The following SLC22A2 variants were observed in gnomAD, a reference collection of about 807,000 sequenced individuals.
SLC22A2 encodes solute carrier family 22 member 2, also known as organic cation transporter 2.
A neutral mutation model predicts 60.5 loss-of-function variants in SLC22A2; 46 were observed. The observed-to-expected ratio is 0.76, with a 90% confidence interval of 0.60 to 0.97. The LOEUF is 0.97. Among genes scored for constraint, SLC22A2 ranks in the 50% least tolerant of loss-of-function variants. The pLI is 0.00. For synonymous variants in SLC22A2, 303 were observed against 267.0 expected (o/e 1.13, Z -1.31); for missense variants, 701 against 706.6 (o/e 0.99, Z 0.09).
chr6:160,239,477 G>A (rs1782964479), intron 9 of SLC22A2, among the ~76,000 whole-genome samples: 1 of 152,172 alleles, frequency 6.6e-6, no homozygotes, highest in Non-Finnish European at 1.5e-5. Context: ...CAAGATCCAA[G>A]AACCCCCTCT....
chr6:160,223,633 A>G (rs935548084), intron 10 of SLC22A2, among the ~76,000 whole-genome samples: 1 of 152,236 alleles, frequency 6.6e-6, no homozygotes, highest in Admixed American at 6.5e-5. Context: ...TGCCTTAATG[A>G]CTAGTCCTGT....
intron 9 of SLC22A2, among the ~76,000 whole-genome samples, chr6:160,231,325 G>A (rs767272382): frequency 8.6e-5 from 13 of 151,552 alleles, no homozygotes; most frequent in Middle Eastern, 3.4e-3. Flanking sequence ...TCTCATTGCC[G>A]TCCTTCTTCC....
In SLC22A2 at chr6:160,258,542, G is replaced by C; in HGVS notation, c.216C>G (p.Asn72Lys). 6.2e-7 allele frequency: 1 copy of C among 1,614,020 alleles called. No homozygotes were observed. Among genetic ancestry groups the C allele is most frequent in the Non-Finnish European group, 8.5e-7 (1 of 1,179,958 alleles). ...RCGWSPAEELNYTVPGPGPAG... is the reference protein window; with the variant it reads ...RCGWSPAEELKYTVPGPGPAG... ...CAGGTCCTGGGCCCGGCACCGTGTA[G>C]TTCAGTTCCTCTGCAGGACTCCAGC... Residue 72 changes from asparagine (N) to lysine (K), a missense_variant, in exon 1 of 11, where the codon AAC becomes AAG. Asn to Lys is a moderately conservative substitution (Grantham distance 94). Transcript: ENST00000366953.
intron 9 of SLC22A2, 40 bp downstream of exon 9, chr6:160,241,434 A>G (rs1782999060): frequency 7.5e-7 from 1 of 1,340,616 alleles, no homozygotes; most frequent in African/African-American, 1.4e-5. Flanking sequence ...TCTCTAGAAA[A>G]ATAAGTTTTC....
intron 9 of SLC22A2, among the ~76,000 whole-genome samples, chr6:160,232,975 C>T (rs964450702): frequency 2.0e-5 from 3 of 151,268 alleles, no homozygotes; most frequent in Non-Finnish European, 2.9e-5. Flanking sequence ...AGGTTACAAG[C>T]CACTAGCCCA....
Position 160,258,385 on chromosome 6 carries a change from C to A in SLC22A2, c.373G>T (p.Gly125Cys). 1 of 1,613,632 alleles carries A rather than the reference C, an allele frequency of 6.2e-7. No individual in the cohort carries two copies. The highest frequency in any genetic ancestry group is 8.5e-7 in the Non-Finnish European group (1 of 1,179,844). ...SRLPLGPCRD[G>C]WVYETPGSSI... is the part of the protein sequence containing the mutation. ...GAGCCAGGCGTCTCGTACACCCAGC[C>A]GTCCCGGCAGGGGCCCAGTGGCAGG... Residue 125 changes from glycine to cysteine, a missense_variant, in exon 1 of 11, where the codon GGC (glycine) becomes TGC (cysteine). Coordinates refer to ENST00000366953, the MANE Select transcript of SLC22A2 (RefSeq NM_003058.4).
At chr6:160,223,777 G>C (rs543480448) in intron 10 of SLC22A2, among the ~76,000 whole-genome samples, 5 of 151,936 alleles carry the variant, frequency 3.3e-5, no homozygotes, top group African/African-American at 1.2e-4. Context: ...GCCCAGGCTG[G>C]AGTGCAGTGG....
chr6:160,248,284 G>A (rs1051573184), intron 4 of SLC22A2, among the ~76,000 whole-genome samples: 3 of 152,232 alleles, frequency 2.0e-5, no homozygotes, highest in Non-Finnish European at 4.4e-5. Context: ...CAAGTGGGAT[G>A]TCTGCAAGTC....
intron 6 of SLC22A2, 46 bp downstream of exon 6, chr6:160,245,393 G>T: frequency 9.1e-7 from 1 of 1,104,502 alleles, no homozygotes. Context: ...GGATGACTGT[G>T]ATTAAAACAA....
chr6:160,249,308 C>T lies in SLC22A2; in HGVS notation c.750G>A (p.Leu250=). 6 of 1,613,504 alleles carry T rather than the reference C, an allele frequency of 3.7e-6. No homozygotes were observed. The highest frequency in any genetic ancestry group is 5.1e-6 in the Non-Finnish European group (6 of 1,179,532). Residue 250 remains leucine, a synonymous_variant, in exon 4 of 11, where the codon CTG becomes CTA. Coordinates refer to ENST00000366953, the MANE Select transcript of SLC22A2 (RefSeq NM_003058.4). ...GTGCGTAAGCCACCCCAGCTAGCAC[C>T]AGGAGCCCAACTGTATAGGCAACTT... ...FYQVAYTVGL[L]VLAGVAYALP...
Position 160,258,650 on chromosome 6 carries a change from G to A in SLC22A2, c.108C>T (p.Ile36=). 6.2e-7 allele frequency: 1 copy of A among 1,613,888 alleles called. No individual in the cohort carries two copies. Among genetic ancestry groups the A allele is most frequent in the Non-Finnish European group, 8.5e-7 (1 of 1,179,934 alleles). Residue 36 remains isoleucine, a synonymous_variant, in exon 1 of 11, where the codon ATC becomes ATT. Transcript: ENST00000366953. ...LALLSATFAP[I]YVGIVFLGFT... is the part of the protein sequence containing the mutation. ...AGCCCAGGAAGACGATGCCCACGTAGATGGGCGCGAAGGTAGCCGAGAGCA... is the reference window on the plus strand; with the variant it reads ...AGCCCAGGAAGACGATGCCCACGTAAATGGGCGCGAAGGTAGCCGAGAGCA...
At chr6:160,226,176 T>C (rs993764784) in intron 9 of SLC22A2, among the ~76,000 whole-genome samples, 4 of 152,202 alleles carry the variant, frequency 2.6e-5, no homozygotes, top group African/African-American at 9.7e-5. Context: ...TCTGGTCTTG[T>C]GGCCCCCAGC....
chr6:160,251,855 A>G (rs763480608), intron 2 of SLC22A2, among the ~76,000 whole-genome samples: 2 of 152,216 alleles, frequency 1.3e-5, no homozygotes, highest in Non-Finnish European at 2.9e-5. Context: ...ATTATTTTGG[A>G]AGAGTAATAT....
intron 6 of SLC22A2, 43 bp downstream of exon 6, chr6:160,245,396 T>G (rs745579640): frequency 3.5e-6 from 4 of 1,139,198 alleles, no homozygotes; most frequent in Admixed American, 1.9e-5. Context: ...TGACTGTGAT[T>G]AAAACAATTT....
intron 9 of SLC22A2, among the ~76,000 whole-genome samples, chr6:160,230,350 T>C (rs571406990): frequency 6.6e-6 from 1 of 151,998 alleles, no homozygotes; most frequent in Non-Finnish European, 1.5e-5. Context: ...TTATCTGACC[T>C]CTCCCAAATC....
intron 9 of SLC22A2, among the ~76,000 whole-genome samples, chr6:160,225,953 G>A (rs1395441386): frequency 6.6e-6 from 1 of 152,166 alleles, no homozygotes; most frequent in South Asian, 2.1e-4. Context: ...TGACCACAGC[G>A]AAAGGAGACC....
chr6:160,220,086 G>A (rs1261315762), intron 10 of SLC22A2, among the ~76,000 whole-genome samples: 1 of 152,168 alleles, frequency 6.6e-6, no homozygotes, highest in Non-Finnish European at 1.5e-5. Flanking sequence ...AGCATGCAAT[G>A]CTATTTCATA....
chr6:160,227,713 A>G (rs950754049), intron 9 of SLC22A2, among the ~76,000 whole-genome samples: 1 of 152,236 alleles, frequency 6.6e-6, no homozygotes, highest in East Asian at 1.9e-4. Flanking sequence ...GGGACTGGGT[A>G]AAATAAGGCT....
At chr6:160,235,105 C>T (rs1033602138) in intron 9 of SLC22A2, among the ~76,000 whole-genome samples, 3 of 152,170 alleles carry the variant, frequency 2.0e-5, no homozygotes, top group African/African-American at 4.8e-5. Context: ...TCACAGACCT[C>T]CTTTTGGTAA....
Sources: gnomAD v4.1 joint callset for allele counts (sites outside exome capture counted in the v4.1 genomes callset) on GRCh38, gnomAD v4.1.1 for gene constraint, MANE v1.5 for transcripts, NCBI Gene and HGNC (gene_info 2026-07-23, HGNC 2026-07-21) for gene names.